ITGA9: variants seen among roughly 807,000 people sequenced by gnomAD.
The protein encoded by ITGA9 is integrin subunit alpha 9, also known as integrin alpha-9.
Under a neutral mutation model 127.8 loss-of-function variants are expected in ITGA9, and 56 were observed. The observed-to-expected ratio is 0.44, with a 90% CI of 0.35 to 0.55. The LOEUF is 0.55. ITGA9 is among the 20% of genes least tolerant of loss of function. The pLI, the probability that ITGA9 is intolerant of heterozygous loss-of-function variation, is 0.00. For synonymous variants in ITGA9, 508 were observed against 514.5 expected, an observed-to-expected ratio of 0.99 and a Z score of 0.17; for missense variants, 1,196 against 1,347.1, an observed-to-expected ratio of 0.89 and a Z score of 1.76.
At chr3:37,473,093 C>G (rs1477872077) in intron 2 of ITGA9, among the ~76,000 whole-genome samples, 1 of 125,498 alleles carries the variant, frequency 8.0e-6, no homozygotes, top group Admixed American at 1.0e-4. Flanking sequence ...GAGCTGAGAT[C>G]GTGCCACTGC....
Position 37,503,249 on chromosome 3 carries a change from C to T in ITGA9, c.684C>T (p.Asp228=). 2.5e-6 allele frequency: 4 copies of T among 1,614,068 alleles called. No individual in the cohort carries two copies. Among genetic ancestry groups the T allele is most frequent in the Non-Finnish European group, 3.4e-6 (4 of 1,179,986 alleles). Residue 228 remains aspartate, a synonymous_variant, in exon 6 of 28, where the codon GAC becomes GAT. Transcript: ENST00000264741. The part of the protein sequence containing the change: ...AGTIKVLNLT[D]NTYLKLNDEV... ...CCATCAAAGTGCTGAACCTTACGGA[C>T]AACACCTATTTAAAACTGAACGACG...
intron 18 of ITGA9, among the ~76,000 whole-genome samples, chr3:37,684,739 G>T (rs544960967): frequency 3.9e-5 from 6 of 152,208 alleles, no homozygotes; most frequent in Non-Finnish European, 5.9e-5. Context: ...AAAGTGCTGG[G>T]ATTACAGGTG....
intron 23 of ITGA9, among the ~76,000 whole-genome samples, chr3:37,754,902 A>C (rs565097285): frequency 6.6e-6 from 1 of 152,316 alleles, no homozygotes; most frequent in South Asian, 2.1e-4. Flanking sequence ...TATGCACCTG[A>C]TACATCACTG....
chr3:37,486,676 A>C (rs987500062), intron 4 of ITGA9, among the ~76,000 whole-genome samples: 1 of 152,242 alleles, frequency 6.6e-6, no homozygotes, highest in Non-Finnish European at 1.5e-5. Context: ...TTGGCAAGTT[A>C]TAATTTCTCA....
At position 37,488,000 on chromosome 3, in the gene ITGA9, C is replaced by G. The variant is rs182927407; in HGVS notation, c.544+6393C>G. ...AGACTGATAAAATGTAGCCAGGAGACCAATCTGCTCTAGTCTGGAGTGGCT... is the reference window on the plus strand; with the variant it reads ...AGACTGATAAAATGTAGCCAGGAGAGCAATCTGCTCTAGTCTGGAGTGGCT... On this transcript the variant is annotated intron_variant, in intron 4 of 27. Transcript: ENST00000264741. Among the ~76,000 whole-genome samples the G allele has an allele frequency of 2.3e-4, 35 of 152,284 alleles. No homozygotes were observed. In the East Asian group the frequency reaches 5.4e-3, roughly 23 times the overall value.
intron 16 of ITGA9, among the ~76,000 whole-genome samples, chr3:37,648,033 A>T (rs56703886): frequency 0.032 from 4,850 of 152,302 alleles, 104 homozygotes; most frequent in Non-Finnish European, 0.049. Context: ...CTCTTTGAGT[A>T]TATACCCAGA....
chr3:37,524,644 C>G (rs1472313307), intron 12 of ITGA9, among the ~76,000 whole-genome samples: 1 of 152,222 alleles, frequency 6.6e-6, no homozygotes, highest in Non-Finnish European at 1.5e-5. Flanking sequence ...CAAAATGCTT[C>G]CACATGCAAT....
At position 37,814,874 on chromosome 3, in the gene ITGA9, A is replaced by G. The variant is rs1045382835; in HGVS notation, c.3010-4017A>G. On this transcript the variant is annotated intron_variant, in intron 27 of 27. Transcript: ENST00000264741. The surrounding 1 kb of genome is among the most constrained non-coding windows in gnomAD (Gnocchi z 4.3). ...AACTCCCTAGCCATGAGAGTGCATT[A>G]TGTTTTAAGAAATGGTCTTCAGACT... is the stretch of plus-strand genomic sequence containing the variant. Among the ~76,000 whole-genome samples, 7 of 152,212 alleles carry G rather than the reference A, an allele frequency of 4.6e-5. No individual in the cohort carries two copies. Among genetic ancestry groups the G allele is most frequent in the Admixed American group, 4.6e-4 (7 of 15,276 alleles).
At chr3:37,647,643 G>A (rs1032775088) in intron 16 of ITGA9, among the ~76,000 whole-genome samples, 4 of 150,270 alleles carry the variant, frequency 2.7e-5, no homozygotes, top group South Asian at 2.1e-4. Flanking sequence ...CCCCCTCCCC[G>A]ACCCCTGGTA....
At chr3:37,512,386 A>G (rs1698941076) in intron 8 of ITGA9, among the ~76,000 whole-genome samples, 1 of 150,702 alleles carries the variant, frequency 6.6e-6, no homozygotes, top group African/African-American at 2.4e-5. Flanking sequence ...CGCCTGGCTA[A>G]TTTTTGTATT....
intron 15 of ITGA9, among the ~76,000 whole-genome samples, chr3:37,555,020 G>C (rs960409150): frequency 1.3e-5 from 2 of 152,114 alleles, no homozygotes; most frequent in Non-Finnish European, 2.9e-5. Context: ...TGTGAGGGGA[G>C]ATAGAGAAGA....
intron 13 of ITGA9, 36 bp downstream of exon 13, chr3:37,526,107 G>A (rs1699090633): frequency 3.8e-6 from 6 of 1,592,348 alleles, no homozygotes; most frequent in East Asian, 2.2e-5. Context: ...GAATTGTGCT[G>A]TTCAGGGTGA....
rs969510925 is a variant in ITGA9, at chr3:37,768,781, C to A, written c.2542-8611C>A. Reference sequence around the variant, plus strand: ...AACAAACATAGCTTTTAGATCATACCTTTTAGGTTTTTTTTTTTTTACCCA... The same window carrying A: ...AACAAACATAGCTTTTAGATCATACATTTTAGGTTTTTTTTTTTTTACCCA... On this transcript the variant is annotated intron_variant, in intron 23 of 27. Coordinates refer to ENST00000264741, the MANE Select transcript of ITGA9 (RefSeq NM_002207.3). Among the ~76,000 whole-genome samples the A allele has an allele frequency of 4.6e-5, 7 of 151,732 alleles. No individual in the cohort carries two copies. In the South Asian group the frequency reaches 6.2e-4, roughly 14 times the overall value.
chr3:37,620,011 C>T (rs888868011), intron 15 of ITGA9, among the ~76,000 whole-genome samples: 3 of 152,178 alleles, frequency 2.0e-5, no homozygotes, highest in Non-Finnish European at 2.9e-5. Context: ...GGCCAATTCA[C>T]GCCATCCTTT....
At chr3:37,497,476 A>G (rs1169442941) in intron 5 of ITGA9, among the ~76,000 whole-genome samples, 1 of 152,132 alleles carries the variant, frequency 6.6e-6, no homozygotes, top group Non-Finnish European at 1.5e-5. Flanking sequence ...CATATTTTAT[A>G]CTTATATTTT....
At chr3:37,669,661 T>C (rs1185597678) in intron 17 of ITGA9, among the ~76,000 whole-genome samples, 4 of 152,210 alleles carry the variant, frequency 2.6e-5, no homozygotes, top group Non-Finnish European at 4.4e-5. Context: ...CAGTTGCTCA[T>C]TGGCTTTTTA....
chr3:37,816,545 C>T (rs918287824), intron 27 of ITGA9, among the ~76,000 whole-genome samples: 1 of 152,176 alleles, frequency 6.6e-6, no homozygotes, highest in African/African-American at 2.4e-5. Flanking sequence ...GCAGTAGCTT[C>T]TTAGATTTCC....
In ITGA9 at chr3:37,780,690, C is replaced by T. The variant is rs1696966582; in HGVS notation, c.2787+669C>T. Among the ~76,000 whole-genome samples, 2 of 152,090 alleles carry T rather than the reference C, an allele frequency of 1.3e-5. 1 individual carries two copies. The highest frequency in any genetic ancestry group is 2.9e-5 in the Non-Finnish European group (2 of 68,032). On this transcript the variant is annotated intron_variant, in intron 25 of 27. Coordinates refer to ENST00000264741, the MANE Select transcript of ITGA9 (RefSeq NM_002207.3). Reference sequence around the variant, plus strand: ...TACTTCTTTCCCTTTGGGTATATACCCATTAGTGTGATTGCTGGATGGAAT... The same window carrying T: ...TACTTCTTTCCCTTTGGGTATATACTCATTAGTGTGATTGCTGGATGGAAT...
intron 15 of ITGA9, among the ~76,000 whole-genome samples, chr3:37,608,470 CTTTGGT>C (rs1194268997): frequency 1.3e-5 from 2 of 152,168 alleles, no homozygotes; most frequent in African/African-American, 4.8e-5. Context: ...TTTTCATCAT[CTTTGGT>C]TGTAGTTTTA....
Sources: gnomAD v4.1 joint callset for allele counts (sites outside exome capture counted in the v4.1 genomes callset) on GRCh38, gnomAD v4.1.1 for gene constraint, Gnocchi (gnomAD v3.1) non-coding constraint, MANE v1.5 for transcripts, NCBI Gene and HGNC (gene_info 2026-07-23, HGNC 2026-07-21) for gene names.